Variants in NTSR2 observed in about 807,000 individuals in gnomAD.
NTSR2 encodes neurotensin receptor 2.
A neutral mutation model predicts 24.1 loss-of-function variants in NTSR2; 22 were observed. The observed-to-expected ratio is 0.91, with a 90% CI of 0.65 to 1.30. NTSR2 has a LOEUF of 1.30. Among genes scored for constraint, NTSR2 ranks in the 50% most tolerant of loss-of-function variants. NTSR2 has a pLI of 0.00. For missense variants in NTSR2, 570 were observed against 570.4 expected (o/e 1.00, Z 0.01); for synonymous variants, 291 against 267.0 (o/e 1.09, Z -0.88).
At chr2:11,666,434 C>T (rs1661201647) in intron 1 of NTSR2, among the ~76,000 whole-genome samples, 1 of 152,218 alleles carries the variant, frequency 6.6e-6, no homozygotes, top group Non-Finnish European at 1.5e-5. Flanking sequence ...GGCGTGGTGG[C>T]TCACGGCTAT....
chr2:11,660,742 A>G (rs989890400), intron 2 of NTSR2, among the ~76,000 whole-genome samples: 2 of 152,168 alleles, frequency 1.3e-5, no homozygotes, highest in African/African-American at 4.8e-5. Context: ...CTCCATCTCA[A>G]AAAGAAAAAA....
intron 1 of NTSR2, among the ~76,000 whole-genome samples, chr2:11,666,995 C>T (rs1661215558): frequency 6.6e-6 from 1 of 152,220 alleles, no homozygotes; most frequent in Non-Finnish European, 1.5e-5. Context: ...CTGCAATATT[C>T]TGGGCAATTC....
Position 11,658,439 on chromosome 2 carries a change from G to GCTGGTCATTTTGCTTGTT in NTSR2, c.*22_*39dup. On this transcript the variant is annotated 3_prime_UTR_variant, in exon 4 of 4. Coordinates refer to ENST00000306928, the MANE Select transcript of NTSR2 (RefSeq NM_012344.4). The stretch of plus-strand genomic sequence containing the variant: ...ACCTGCTTTGCCAGGTGACTAAGCA[G>GCTGGTCATTTTGCTTGTT]CTGGTCATTTTGCTTGTTCTGTTCA... The GCTGGTCATTTTGCTTGTT allele has an allele frequency of 6.5e-7, 1 of 1,540,314 alleles. No homozygotes were observed. Among genetic ancestry groups the GCTGGTCATTTTGCTTGTT allele is most frequent in the Admixed American group, 2.1e-5 (1 of 48,758 alleles).
rs1323580049 is a variant in NTSR2, at chr2:11,669,862, C to G, written c.268G>C (p.Glu90Gln). Residue 90 changes from glutamate (E) to glutamine (Q), a missense_variant, in exon 1 of 4, where the codon GAG (glutamate) becomes CAG (glutamine). Coordinates refer to ENST00000306928, the MANE Select transcript of NTSR2 (RefSeq NM_012344.4). ...LLLLLVGVPVELYSFVWFHYP... is the reference protein window; with the variant it reads ...LLLLLVGVPVQLYSFVWFHYP... The stretch of plus-strand genomic sequence containing the variant: ...TGGAACCACACGAAGCTGTAGAGCT[C>G]CACCGGCACGCCGACCAGCAGCAGC... 1 of 1,585,770 alleles carries G rather than the reference C, an allele frequency of 6.3e-7. No individual in the cohort carries two copies.
At chr2:11,664,422 T>C (rs1273042648) in intron 1 of NTSR2, among the ~76,000 whole-genome samples, 1 of 152,208 alleles carries the variant, frequency 6.6e-6, no homozygotes, top group Non-Finnish European at 1.5e-5. Flanking sequence ...CTGGACTAAC[T>C]GAATGATATT....
Position 11,669,656 on chromosome 2 carries a change from G to C in NTSR2, c.474C>G (p.Leu158=), listed in dbSNP as rs1440922585. 1.3e-6 allele frequency: 2 copies of C among 1,550,652 alleles called. No individual in the cohort carries two copies. Among genetic ancestry groups the C allele is most frequent in the African/African-American group, 2.7e-5 (2 of 72,812 alleles). ...TPRRTRWLVA[L]SWAASLGLAL... is the part of the protein sequence containing the mutation. ...CGAGGCCGAGCGAGGCGGCCCACGA[G>C]AGCGCCACCAGCCACCGGGTCCGGC... is the stretch of plus-strand genomic sequence containing the variant. Residue 158 remains leucine, a synonymous_variant, in exon 1 of 4, where the codon CTC becomes CTG. Transcript: ENST00000306928.
chr2:11,669,473 C>G (rs747779114), intron 1 of NTSR2, 33 bp downstream of exon 1: 2 of 208,032 alleles, frequency 9.6e-6, no homozygotes, highest in African/African-American at 2.4e-5. Context: ...CCCCCACCCC[C>G]CCTCCCCCGA....
chr2:11,660,125 C>A lies in NTSR2; in HGVS notation c.907G>T (p.Val303Leu). The A allele has an allele frequency of 6.2e-7, 1 of 1,613,222 alleles. No homozygotes were observed. Among genetic ancestry groups the A allele is most frequent in the South Asian group, 1.1e-5 (1 of 91,078 alleles). ...QRSVQVLRAI[V>L]VMYVICWLPY... is the part of the protein sequence containing the mutation. ...AGCCAGCAGATGACATACATGACCACGATGGCTCCTGCAGAGCATTGGAAA... is the reference window on the plus strand; with the variant it reads ...AGCCAGCAGATGACATACATGACCAAGATGGCTCCTGCAGAGCATTGGAAA... The change falls in exon 3 of 4, where the codon GTG becomes TTG. Residue 303 changes from valine to leucine, a missense_variant. Physicochemically the swap from Val to Leu is conservative, Grantham distance 32. Coordinates refer to ENST00000306928, the MANE Select transcript of NTSR2 (RefSeq NM_012344.4).
Position 11,658,640 on chromosome 2 carries a change from A to G in NTSR2, c.1072T>C (p.Tyr358His), listed in dbSNP as rs1473576745. 6.2e-7 allele frequency: 1 copy of G among 1,614,170 alleles called. No individual in the cohort carries two copies. The highest frequency in any genetic ancestry group is 8.5e-7 in the Non-Finnish European group (1 of 1,180,030). ...YVSSAVTPLL[Y>H]NAVSSSFRKL... Reference sequence around the variant, plus strand: ...CTGAAGGAGGAGGACACGGCGTTGTAGAGAAGAGGAGTCACAGCTGAGCTG... The same window carrying G: ...CTGAAGGAGGAGGACACGGCGTTGTGGAGAAGAGGAGTCACAGCTGAGCTG... The change falls in exon 4 of 4, where the codon TAC becomes CAC. Residue 358 changes from tyrosine (Y) to histidine (H), a missense_variant. Tyr to His is a moderately conservative substitution (Grantham distance 83, BLOSUM62 2). Transcript: ENST00000306928.
intron 1 of NTSR2, among the ~76,000 whole-genome samples, chr2:11,664,414 G>C (rs1231986652): frequency 1.3e-5 from 2 of 152,104 alleles, no homozygotes; most frequent in Non-Finnish European, 2.9e-5. Context: ...CACTGTGCCT[G>C]GACTAACTGA....
In NTSR2 at chr2:11,662,277, A is replaced by C. The variant is rs374672878; in HGVS notation, c.625-37T>G. On this transcript the variant is annotated intron_variant, in intron 1 of 3. Transcript: ENST00000306928. Reference sequence around the variant, plus strand: ...ATGCCAAGGGCTATGGGGCAGCGCCAGGGCCCTGCGGCCCTCGCCATCTGG... The same window carrying C: ...ATGCCAAGGGCTATGGGGCAGCGCCCGGGCCCTGCGGCCCTCGCCATCTGG... The C allele has an allele frequency of 1.3e-5, 19 of 1,459,338 alleles. No individual in the cohort carries two copies. In the African/African-American group the frequency reaches 2.6e-4, roughly 20 times the overall value. 90.4% of individuals were successfully genotyped at this position (1,459,338 alleles called of 1,614,324 possible).
Position 11,662,447 on chromosome 2 carries a change from G to GAA in NTSR2, c.625-209_625-208dup, listed in dbSNP as rs535336606. Among the ~76,000 whole-genome samples, 1,289 of 151,776 alleles carry GAA rather than the reference G, an allele frequency of 8.5e-3. 10 individuals are homozygous for GAA. The highest frequency in any genetic ancestry group is 0.034 in the Middle Eastern group (10 of 294). On this transcript the variant is annotated intron_variant, in intron 1 of 3. Transcript: ENST00000306928. Reference sequence around the variant, plus strand: ...ATGTTCATAATAGGGGTTCCAGGAAGAAAAAAAATAGAGAAAACAGAGGGG... The same window carrying GAA: ...ATGTTCATAATAGGGGTTCCAGGAAGAAAAAAAAAATAGAGAAAACAGAGGGG...
intron 2 of NTSR2, among the ~76,000 whole-genome samples, chr2:11,661,679 C>T (rs1661074419): frequency 6.6e-6 from 1 of 152,206 alleles, no homozygotes; most frequent in Non-Finnish European, 1.5e-5. Context: ...TCCTCATGTT[C>T]ATCCACACCG....
chr2:11,663,995 ATTTATT>A (rs1661138802), intron 1 of NTSR2, among the ~76,000 whole-genome samples: 1 of 152,126 alleles, frequency 6.6e-6, no homozygotes, highest in African/African-American at 2.4e-5. Context: ...AGAAAAATGA[ATTTATT>A]TATATAATAC....
At chr2:11,664,513 T>A (rs762232949) in intron 1 of NTSR2, among the ~76,000 whole-genome samples, 6 of 152,206 alleles carry the variant, frequency 3.9e-5, no homozygotes, top group Non-Finnish European at 5.9e-5. Flanking sequence ...TGCCTTTTTA[T>A]CTTAATGCTT....
intron 1 of NTSR2, among the ~76,000 whole-genome samples, chr2:11,664,888 A>G (rs997095316): frequency 1.3e-5 from 2 of 152,168 alleles, no homozygotes; most frequent in Non-Finnish European, 1.5e-5. Flanking sequence ...GTTAACATAC[A>G]CTGTATGTTT....
chr2:11,667,553 C>G (rs1661231774), intron 1 of NTSR2, among the ~76,000 whole-genome samples: 1 of 152,136 alleles, frequency 6.6e-6, no homozygotes, highest in Non-Finnish European at 1.5e-5. Context: ...CTATGTTGCC[C>G]AGGCTGGTCT....
intron 1 of NTSR2, 35 bp downstream of exon 1, chr2:11,669,471 C>T (rs1489957982): frequency 2.3e-5 from 4 of 177,514 alleles, no homozygotes; most frequent in Non-Finnish European, 4.5e-5. Context: ...CCCCCCCACC[C>T]CCCCTCCCCC....
chr2:11,659,011 C>T (rs1661003046), intron 3 of NTSR2, among the ~76,000 whole-genome samples: 1 of 152,124 alleles, frequency 6.6e-6, no homozygotes, highest in East Asian at 1.9e-4. Flanking sequence ...CACCACCATG[C>T]CCAGCCAATT....
Sources: gnomAD v4.1 joint callset for allele counts (sites outside exome capture counted in the v4.1 genomes callset) on GRCh38, gnomAD v4.1.1 for gene constraint, MANE v1.5 for transcripts, NCBI Gene and HGNC (gene_info 2026-07-23, HGNC 2026-07-21) for gene names.